The following KCNAB1 variants were observed in gnomAD, a reference collection of about 807,000 sequenced individuals.
KCNAB1 encodes potassium voltage-gated channel subfamily A regulatory beta subunit 1, also known as voltage-gated potassium channel subunit beta-1.
In KCNAB1, 35 loss-of-function variants were observed where a neutral mutation model predicts 64.6. The ratio of observed to expected loss-of-function variants is 0.54; its 90% CI spans 0.41 to 0.72. The LOEUF is 0.72. KCNAB1 is among the 30% of genes least tolerant of loss of function. The pLI is 0.00. For missense variants in KCNAB1, 401 were observed against 512.9 expected (o/e 0.78, Z 2.11); for synonymous variants, 177 against 183.8 (o/e 0.96, Z 0.30).
chr3:156,291,364 C>T (rs1310983029), intron 1 of KCNAB1: 28 of 994,488 alleles, frequency 2.8e-5, no homozygotes, highest in Non-Finnish European at 3.0e-5. Flanking sequence ...AGGGGACCCG[C>T]TTGCGATTAG....
At chr3:156,457,231 G>A in intron 3 of KCNAB1, 1 of 1,341,626 alleles carries the variant, frequency 7.5e-7, no homozygotes, top group East Asian at 3.0e-5. Context: ...CTAAATCCCA[G>A]CCTTCAAGTA....
rs4056995 is a variant in KCNAB1 at position 156,428,488 on chromosome 3, T to TACACACACACACACACACACAC, written c.319+6854_319+6875dup. Among the ~76,000 whole-genome samples the TACACACACACACACACACACAC allele has an allele frequency of 1.6e-3, 200 of 127,552 alleles. 1 individual carries two copies. Among genetic ancestry groups the TACACACACACACACACACACAC allele is most frequent in the Middle Eastern group, 7.5e-3 (2 of 266 alleles). The allele number at this position is 127,552 out of a possible 152,430, so 83.7% of individuals were successfully genotyped here. A position where few individuals can be genotyped will look rare whatever the true frequency, so the allele number is the denominator to read the frequency against. ...GAGCCAATTCCTTATAATTCCTCTA[T>TACACACACACACACACACACAC]ACACACACACACACACACACACACA... On this transcript the variant is annotated intron_variant, in intron 2 of 13. Coordinates refer to ENST00000490337, the MANE Select transcript of KCNAB1 (RefSeq NM_172160.3).
chr3:156,420,215 C>G (rs1478485891), intron 1 of KCNAB1, among the ~76,000 whole-genome samples: 1 of 152,170 alleles, frequency 6.6e-6, no homozygotes, highest in Non-Finnish European at 1.5e-5. Flanking sequence ...ACGATCTGGC[C>G]CTACAAACAG....
intron 1 of KCNAB1, among the ~76,000 whole-genome samples, chr3:156,288,469 C>T (rs942187066): frequency 7.2e-5 from 11 of 152,200 alleles, no homozygotes; most frequent in Non-Finnish European, 1.6e-4. Flanking sequence ...TGAAAAGATA[C>T]ATATTCCAAG....
In KCNAB1 at chr3:156,165,777, C is replaced by T. The variant is rs115922768; in HGVS notation, c.275+44891C>T. On this transcript the variant is annotated intron_variant, in intron 1 of 13. Coordinates refer to ENST00000490337, the MANE Select transcript of KCNAB1 (RefSeq NM_172160.3). ...TTATTCCCTTTTGTTCTTCTGAGCT[C>T]TCCTGGTTTTTCTTTTCAATGTAAA... Among the ~76,000 whole-genome samples the T allele has an allele frequency of 6.6e-3, 1,012 of 152,230 alleles. 17 individuals are homozygous for T. Among genetic ancestry groups the T allele is most frequent in the African/African-American group, 0.023 (962 of 41,518 alleles).
At chr3:156,501,679 C>A (rs1477954649) in intron 8 of KCNAB1, among the ~76,000 whole-genome samples, 21 of 151,990 alleles carry the variant, frequency 1.4e-4, no homozygotes. Flanking sequence ...TGATCCACCC[C>A]CCTCAGCCTC....
intron 1 of KCNAB1, among the ~76,000 whole-genome samples, chr3:156,294,548 A>G (rs1720662023): frequency 6.6e-6 from 1 of 152,192 alleles, no homozygotes; most frequent in Non-Finnish European, 1.5e-5. Context: ...TATTAGCTAA[A>G]TTATCCTTTT....
rs34671816 is a variant in KCNAB1 at position 156,338,303 on chromosome 3, C to CTTTTTTTTTTTTTTTTTTTTTT, written c.276-83307_276-83286dup. On this transcript the variant is annotated intron_variant, in intron 1 of 13. Transcript: ENST00000490337. ...TCTTATACTTTCTTTGGCATTTGCA[C>CTTTTTTTTTTTTTTTTTTTTTT]TTTTTTTTTTTTTTTTTTTTTTTTT... Among the ~76,000 whole-genome samples the CTTTTTTTTTTTTTTTTTTTTTT allele has an allele frequency of 3.3e-3, 131 of 39,486 alleles. 35 individuals carry two copies. The highest frequency in any genetic ancestry group is 7.7e-3 in the East Asian group (9 of 1,174). The allele number at this position is 39,486 out of a possible 152,430, so 25.9% of individuals were successfully genotyped here. A position where few individuals can be genotyped will look rare whatever the true frequency, so the allele number is the denominator to read the frequency against.
At chr3:156,312,499 A>G (rs1721976984) in intron 1 of KCNAB1, among the ~76,000 whole-genome samples, 1 of 151,966 alleles carries the variant, frequency 6.6e-6, no homozygotes. Context: ...ATCACTTGAG[A>G]CCAGGAGTTT....
chr3:156,314,901 C>G (rs954225120), intron 1 of KCNAB1, among the ~76,000 whole-genome samples: 1 of 152,136 alleles, frequency 6.6e-6, no homozygotes, highest in Non-Finnish European at 1.5e-5. Flanking sequence ...GTAGTCCCAG[C>G]TACTTGGGAG....
rs1327156568 is a variant in KCNAB1 at position 156,283,194 on chromosome 3, G to A, written c.276-138422G>A. 4.7e-5 allele frequency among the ~76,000 whole-genome samples: 7 copies of A among 150,448 alleles called. No homozygotes were observed. In the East Asian group the frequency reaches 1.4e-3, roughly 30 times the overall value. On this transcript the variant is annotated intron_variant, in intron 1 of 13. Coordinates refer to ENST00000490337, the MANE Select transcript of KCNAB1 (RefSeq NM_172160.3). ...AAAATCTCTCAGCATTTGCTTGTCT[G>A]TAAAGTATTTTATTTCTCCTTCACT...
intron 6 of KCNAB1, among the ~76,000 whole-genome samples, chr3:156,464,649 C>T (rs1713219498): frequency 6.6e-6 from 1 of 152,062 alleles, no homozygotes; most frequent in Non-Finnish European, 1.5e-5. Flanking sequence ...TGTATATACA[C>T]ACTTGCAAAC....
At chr3:156,248,497 A>G (rs968076500) in intron 1 of KCNAB1, among the ~76,000 whole-genome samples, 7 of 145,412 alleles carry the variant, frequency 4.8e-5, no homozygotes, top group Admixed American at 4.1e-4. Context: ...TTTTTTGGTA[A>G]CAGACCCCTC....
intron 1 of KCNAB1, among the ~76,000 whole-genome samples, chr3:156,306,145 TA>T (rs1343230479): frequency 2.6e-5 from 4 of 152,150 alleles, no homozygotes; most frequent in Non-Finnish European, 4.4e-5. Flanking sequence ...ATTGATCAAT[TA>T]AAAAAAGTGA....
At chr3:156,409,526 T>C (rs1714489414) in intron 1 of KCNAB1, among the ~76,000 whole-genome samples, 1 of 152,224 alleles carries the variant, frequency 6.6e-6, no homozygotes, top group Non-Finnish European at 1.5e-5. Flanking sequence ...ATTCATCTGG[T>C]GCCTTGCTGT....
chr3:156,467,892 T>C (rs1230416134), intron 7 of KCNAB1, among the ~76,000 whole-genome samples: 1 of 152,108 alleles, frequency 6.6e-6, no homozygotes, highest in East Asian at 1.9e-4. Context: ...TCTCCTTATT[T>C]ATATATTTAT....
chr3:156,535,487 G>A (rs1428463558), intron 13 of KCNAB1, among the ~76,000 whole-genome samples: 1 of 152,090 alleles, frequency 6.6e-6, no homozygotes, highest in East Asian at 1.9e-4. Context: ...CGGTGCAAAT[G>A]ACTCACAAAC....
At chr3:156,235,912 C>T (rs1716822660) in intron 1 of KCNAB1, among the ~76,000 whole-genome samples, 1 of 151,986 alleles carries the variant, frequency 6.6e-6, no homozygotes, top group South Asian at 2.1e-4. Flanking sequence ...TGATTAGTAC[C>T]CAAAAGGTAC....
intron 1 of KCNAB1, among the ~76,000 whole-genome samples, chr3:156,202,855 G>T (rs576311738): frequency 6.6e-4 from 101 of 152,206 alleles, no homozygotes; most frequent in African/African-American, 1.3e-3. Flanking sequence ...ATTTTTTAAA[G>T]TTGGAGTAAA....
Sources: gnomAD v4.1 joint callset for allele counts (sites outside exome capture counted in the v4.1 genomes callset) on GRCh38, gnomAD v4.1.1 for gene constraint, MANE v1.5 for transcripts, NCBI Gene and HGNC (gene_info 2026-07-23, HGNC 2026-07-21) for gene names.